The following NTNG2 variants were observed in gnomAD, a reference collection of about 807,000 sequenced individuals.
The protein encoded by NTNG2 is netrin G2, also known as netrin-G2.
Under a neutral mutation model 47.6 loss-of-function variants are expected in NTNG2, and 15 were observed. The ratio of observed to expected loss-of-function variants is 0.32; its 90% confidence interval spans 0.21 to 0.49. NTNG2 has a LOEUF of 0.49. Ranked by LOEUF, NTNG2 falls within the 20% of genes least tolerant of loss-of-function variation. NTNG2 has a pLI of 0.99. For missense variants in NTNG2, 578 were observed against 764.6 expected (o/e 0.76, Z 2.88); for synonymous variants, 307 against 324.6 (o/e 0.95, Z 0.58).
intron 5 of NTNG2, among the ~76,000 whole-genome samples, chr9:132,234,369 G>C (rs1841468908): frequency 6.6e-6 from 1 of 152,234 alleles, no homozygotes; most frequent in Non-Finnish European, 1.5e-5. Flanking sequence ...GGGCTTCCCA[G>C]TTCCAAAGGA....
In NTNG2 at chr9:132,162,196, C is replaced by G. The variant is rs1214951914; in HGVS notation, c.-527C>G. The G allele has an allele frequency of 6.5e-6, 1 of 152,730 alleles. No homozygotes were observed. Among genetic ancestry groups the G allele is most frequent in the Non-Finnish European group, 1.5e-5 (1 of 67,962 alleles). The allele number at this position is 152,730 out of a possible 1,614,324, so 9.5% of individuals were successfully genotyped here. On this transcript the variant is annotated 5_prime_UTR_variant, in exon 1 of 8. Coordinates refer to ENST00000393229, the MANE Select transcript of NTNG2 (RefSeq NM_032536.4). The surrounding 1 kb of genome is among the most constrained non-coding windows in gnomAD (Gnocchi z 4.6). Reference sequence around the variant, plus strand: ...CGCAGCGCCGGAGGGTGGCGGTCCTCGGCCCTCCCAGGTCTCCGCGCCGGG... The same window carrying G: ...CGCAGCGCCGGAGGGTGGCGGTCCTGGGCCCTCCCAGGTCTCCGCGCCGGG...
chr9:132,237,371 G>A (rs2131027781), intron 5 of NTNG2, among the ~76,000 whole-genome samples: 1 of 152,294 alleles, frequency 6.6e-6, no homozygotes, highest in East Asian at 1.9e-4. Context: ...GCTCTTCCCT[G>A]GGCAGTGGGA....
chr9:132,192,396 G>A (rs1837965086), intron 2 of NTNG2, among the ~76,000 whole-genome samples: 1 of 152,200 alleles, frequency 6.6e-6, no homozygotes, highest in South Asian at 2.1e-4. Context: ...TTCGAGACCA[G>A]CCTTGCCAAC....
chr9:132,241,582 C>A (rs989447856), intron 7 of NTNG2: 9 of 417,036 alleles, frequency 2.2e-5, no homozygotes, highest in African/African-American at 6.4e-5. Context: ...AGGCTCCAGG[C>A]GCGTGGAACA....
intron 2 of NTNG2, among the ~76,000 whole-genome samples, chr9:132,185,389 G>C (rs12350369): frequency 0.1 from 15,520 of 152,198 alleles, 2,035 homozygotes; most frequent in African/African-American, 0.31. Context: ...CCCCAGCCAG[G>C]GGGGCCTGTC....
At chr9:132,187,551 C>G (rs551162061) in intron 2 of NTNG2, among the ~76,000 whole-genome samples, 2 of 141,822 alleles carry the variant, frequency 1.4e-5, no homozygotes, top group Admixed American at 1.4e-4. Context: ...AACACACACA[C>G]AGAGAGCGAG....
At position 132,176,993 on chromosome 9, in the gene NTNG2, G is replaced by GTTT. The variant is rs1836510227; in HGVS notation, c.213+9951_213+9952insTTT. On this transcript the variant is annotated intron_variant, in intron 2 of 7. Coordinates refer to ENST00000393229, the MANE Select transcript of NTNG2 (RefSeq NM_032536.4). The stretch of plus-strand genomic sequence containing the variant: ...TAGTCATTTTTTTGTTTTTGTTTTT[G>GTTT]TTGTGTGTTGTTTTGAGACAGAGTC... Among the ~76,000 whole-genome samples the GTTT allele has an allele frequency of 2.6e-5, 4 of 152,206 alleles. No individual in the cohort carries two copies. The South Asian group carries it at 8.3e-4, about 32-fold the overall frequency.
chr9:132,206,252 T>G (rs929806206), intron 3 of NTNG2, among the ~76,000 whole-genome samples: 2 of 152,222 alleles, frequency 1.3e-5, no homozygotes, highest in African/African-American at 4.8e-5. Context: ...AAGTGTTGTG[T>G]GTGTGCAGTC....
chr9:132,190,061 G>A (rs1171029278), intron 2 of NTNG2, among the ~76,000 whole-genome samples: 11 of 149,006 alleles, frequency 7.4e-5, no homozygotes, highest in African/African-American at 2.4e-4. Context: ...GTGAAACCCC[G>A]TCTCTACTAA....
chr9:132,176,184 CAA>C (rs35497672), intron 2 of NTNG2, among the ~76,000 whole-genome samples: 7 of 144,746 alleles, frequency 4.8e-5, no homozygotes, highest in Non-Finnish European at 1.1e-4. Flanking sequence ...CCCCATCTCT[CAA>C]AAAAAAAAAG....
intron 2 of NTNG2, among the ~76,000 whole-genome samples, chr9:132,195,347 C>T (rs918680239): frequency 1.3e-5 from 2 of 152,068 alleles, no homozygotes; most frequent in African/African-American, 2.4e-5. Context: ...CTCGCTCTGT[C>T]GCCCAGGCTG....
At chr9:132,216,642 A>G (rs1840016432) in intron 3 of NTNG2, among the ~76,000 whole-genome samples, 1 of 151,942 alleles carries the variant, frequency 6.6e-6, no homozygotes, top group Non-Finnish European at 1.5e-5. Context: ...CTGATGGATG[A>G]GCTGAAAAGT....
chr9:132,188,812 A>G (rs1343911598), intron 2 of NTNG2, among the ~76,000 whole-genome samples: 1 of 152,076 alleles, frequency 6.6e-6, no homozygotes, highest in Non-Finnish European at 1.5e-5. Flanking sequence ...GCGTTCATTC[A>G]TTCTCCGAAG....
chr9:132,183,455 C>A (rs1837102106), intron 2 of NTNG2, among the ~76,000 whole-genome samples: 1 of 152,178 alleles, frequency 6.6e-6, no homozygotes, highest in African/African-American at 2.4e-5. Flanking sequence ...CGACCTAGAG[C>A]ACCATCCTCC....
Position 132,242,229 on chromosome 9 carries a change from T to C in NTNG2, c.*118T>C, listed in dbSNP as rs1277151990. 6.2e-6 allele frequency: 2 copies of C among 321,872 alleles called. No individual in the cohort carries two copies. Among genetic ancestry groups the C allele is most frequent in the Non-Finnish European group, 9.3e-6 (2 of 215,334 alleles). The allele number at this position is 321,872 out of a possible 1,614,324, so 19.9% of individuals were successfully genotyped here. On this transcript the variant is annotated 3_prime_UTR_variant, in exon 8 of 8. Coordinates refer to ENST00000393229, the MANE Select transcript of NTNG2 (RefSeq NM_032536.4). The surrounding 1 kb of genome is among the most constrained non-coding windows in gnomAD (Gnocchi z 5.9). ...TGCGGCCCGAGGTGCTCCCAGGTGC[T>C]ACTCAGCAGGGCCCCCCGCCCGGCC...
intron 2 of NTNG2, among the ~76,000 whole-genome samples, chr9:132,196,855 C>G (rs552711673): frequency 6.6e-6 from 1 of 152,334 alleles, no homozygotes; most frequent in South Asian, 2.1e-4. Flanking sequence ...TTCCTGCCTC[C>G]CGTACTTCTG....
At chr9:132,217,522 G>A (rs141926797) in intron 3 of NTNG2, among the ~76,000 whole-genome samples, 462 of 152,302 alleles carry the variant, frequency 3.0e-3, no homozygotes, top group African/African-American at 0.01. Context: ...TCATTTCCTT[G>A]TCTGTGAAAT....
At position 132,189,664 on chromosome 9, in the gene NTNG2, G is replaced by C. The variant is rs1007956888; in HGVS notation, c.214-8302G>C. 2.0e-5 allele frequency among the ~76,000 whole-genome samples: 3 copies of C among 151,908 alleles called. No individual in the cohort carries two copies. The South Asian group carries it at 6.2e-4, about 32-fold the overall frequency. Reference sequence around the variant, plus strand: ...TAAAAAAAATTTTTTTTTTGAGACGGAGTCTCACTCTGTCACCCAGGCTGG... The same window carrying C: ...TAAAAAAAATTTTTTTTTTGAGACGCAGTCTCACTCTGTCACCCAGGCTGG... On this transcript the variant is annotated intron_variant, in intron 2 of 7. Transcript: ENST00000393229.
intron 4 of NTNG2, among the ~76,000 whole-genome samples, chr9:132,227,760 AC>A (rs1297002556): frequency 6.6e-6 from 1 of 151,668 alleles, no homozygotes; most frequent in African/African-American, 2.4e-5. Context: ...TGCATCATAG[AC>A]CCCCTTCTGA....
Sources: allele counts gnomAD v4.1 joint callset (sites outside exome capture counted in the v4.1 genomes callset), GRCh38; gene constraint gnomAD v4.1.1; non-coding constraint Gnocchi (gnomAD v3.1); transcripts MANE v1.5; gene names NCBI Gene and HGNC (gene_info 2026-07-23, HGNC 2026-07-21).